Variants in AIMP2 observed in about 807,000 individuals in gnomAD.
The protein encoded by AIMP2 is aminoacyl tRNA synthase complex-interacting multifunctional protein 2.
AIMP2 carries 20 observed loss-of-function variants against 23.4 expected under a neutral mutation model. The observed-to-expected ratio is 0.85, with a 90% CI of 0.60 to 1.24. The LOEUF is 1.24. Ranked by LOEUF, AIMP2 falls within the 50% of genes most tolerant of loss-of-function variation. AIMP2 has a pLI of 0.00. For synonymous variants in AIMP2, 210 were observed against 170.4 expected (o/e 1.23, Z -1.81); for missense variants, 515 against 414.5 (o/e 1.24, Z -2.10).
chr7:6,013,302 C>A (rs935756469), intron 1 of AIMP2, among the ~76,000 whole-genome samples: 1 of 140,542 alleles, frequency 7.1e-6, no homozygotes, highest in Non-Finnish European at 1.5e-5. Flanking sequence ...CACTCTGCCG[C>A]CTAGGCTGGA....
chr7:6,011,290 G>T (rs1011991510), intron 1 of AIMP2, among the ~76,000 whole-genome samples: 16 of 152,174 alleles, frequency 1.1e-4, no homozygotes, highest in Admixed American at 1.0e-3. Flanking sequence ...CTCACCAGCA[G>T]GGTAGAAGAA....
At chr7:6,015,378 G>A (rs771011761) in intron 2 of AIMP2, 26 bp downstream of exon 2, 16 of 1,608,846 alleles carry the variant, frequency 9.9e-6, no homozygotes, top group African/African-American at 2.7e-5. Context: ...AAGCTGAAAC[G>A]TTAGTAGGTA....
At chr7:6,017,466 G>C (rs1787091710) in intron 2 of AIMP2, among the ~76,000 whole-genome samples, 1 of 151,070 alleles carries the variant, frequency 6.6e-6, no homozygotes, top group Non-Finnish European at 1.5e-5. Flanking sequence ...AGAGGTTGCA[G>C]TGAGCAGAGA....
intron 1 of AIMP2, chr7:6,012,949 G>C: frequency 1.0e-6 from 1 of 988,532 alleles, no homozygotes; most frequent in African/African-American, 1.7e-5. Context: ...AAGAGCAGCA[G>C]ACTAGGAGAG....
intron 1 of AIMP2, among the ~76,000 whole-genome samples, chr7:6,010,893 C>T (rs1406013599): frequency 6.6e-6 from 1 of 151,860 alleles, no homozygotes; most frequent in Non-Finnish European, 1.5e-5. Context: ...TCTCAATCTC[C>T]TGGCCACAGG....
chr7:6,013,715 A>G (rs1046183676), intron 1 of AIMP2, among the ~76,000 whole-genome samples: 3 of 152,092 alleles, frequency 2.0e-5, no homozygotes, highest in African/African-American at 7.2e-5. Context: ...TTGGGACCTG[A>G]GGTGGGAGGA....
At chr7:6,018,369 C>CA (rs1246578358) in intron 3 of AIMP2, among the ~76,000 whole-genome samples, 2 of 150,326 alleles carry the variant, frequency 1.3e-5, no homozygotes, top group Non-Finnish European at 3.0e-5. Flanking sequence ...AGGCTGGTCT[C>CA]AAACTCCTGA....
intron 3 of AIMP2, chr7:6,022,513 G>C (rs1223114772): frequency 6.6e-6 from 1 of 152,234 alleles, no homozygotes; most frequent in Non-Finnish European, 1.5e-5. Context: ...GAGGCAGCAA[G>C]GGTTTAGGAC....
chr7:6,020,142 C>T (rs921711349), intron 3 of AIMP2, among the ~76,000 whole-genome samples: 6 of 152,094 alleles, frequency 3.9e-5, no homozygotes, highest in South Asian at 2.1e-4. Context: ...AGATTTTGGC[C>T]GGTTGTGGTG....
In AIMP2 at chr7:6,011,578, A is replaced by T. The variant is rs78453798; in HGVS notation, c.135+2080A>T. On this transcript the variant is annotated intron_variant, in intron 1 of 3. Coordinates refer to ENST00000223029, the MANE Select transcript of AIMP2 (RefSeq NM_006303.4). ...CTGGTCTGTTTTCCCACTGCTTGTT[A>T]TCCTTCTGTTTTCTTTAATGGCTTT... 0.057 allele frequency among the ~76,000 whole-genome samples: 8,634 copies of T among 152,208 alleles called. 580 individuals carry two copies. The highest frequency in any genetic ancestry group is 0.36 in the East Asian group (1,841 of 5,178).
chr7:6,023,138 T>C (rs1787555831), intron 3 of AIMP2, 165 bp from the exon 4 acceptor site: 1 of 783,396 alleles, frequency 1.3e-6, no homozygotes, highest in Non-Finnish European at 2.0e-6. Context: ...CCCTTTTCAG[T>C]AGTAAGCATC....
At chr7:6,021,689 G>A (rs1787430147) in intron 3 of AIMP2, among the ~76,000 whole-genome samples, 1 of 152,156 alleles carries the variant, frequency 6.6e-6, no homozygotes, top group Non-Finnish European at 1.5e-5. Context: ...CGTTGAGGAA[G>A]AAGACCTAGG....
At chr7:6,012,929 G>C (rs1405817556) in intron 1 of AIMP2, 5 of 989,600 alleles carry the variant, frequency 5.1e-6, no homozygotes, top group Non-Finnish European at 6.0e-6. Context: ...TCTGACGTTT[G>C]ATCTTAAATA....
Position 6,017,825 on chromosome 7 carries a change from G to A in AIMP2, c.354G>A (p.Ala118=), listed in dbSNP as rs368164579. The A allele has an allele frequency of 4.3e-6, 7 of 1,613,612 alleles. No homozygotes were observed. The highest frequency in any genetic ancestry group is 1.6e-4 in the Middle Eastern group (1 of 6,062). ...LNSVLGKDYG[A]LKDIVINANP... ...TGGTCTTTCCCCAGGATTACGGGGC[G>A]CTGAAAGACATCGTGATCAACGCAA... Residue 118 remains alanine, a synonymous_variant, in exon 3 of 4, where the codon GCG becomes GCA. Coordinates refer to ENST00000223029, the MANE Select transcript of AIMP2 (RefSeq NM_006303.4).
intron 1 of AIMP2, among the ~76,000 whole-genome samples, chr7:6,009,974 A>AAAAAAAAACATATATATAT: frequency 3.8e-5 from 1 of 26,662 alleles, no homozygotes; most frequent in African/African-American, 1.4e-4. Flanking sequence ...AAAAAAAAAA[A>AAAAAAAAACATATATATAT]ATATATATAT....
chr7:6,019,203 A>G (rs1787227996), intron 3 of AIMP2, among the ~76,000 whole-genome samples: 1 of 151,990 alleles, frequency 6.6e-6, no homozygotes, highest in Admixed American at 6.6e-5. Flanking sequence ...TCATCTCTCC[A>G]GGAAATTGCA....
Position 6,009,301 on chromosome 7 carries a change from C to G in AIMP2, c.-63C>G. 2 of 1,610,530 alleles carry G rather than the reference C, an allele frequency of 1.2e-6. No individual in the cohort carries two copies. The highest frequency in any genetic ancestry group is 1.7e-6 in the Non-Finnish European group (2 of 1,179,394). On this transcript the variant is annotated 5_prime_UTR_variant, in exon 1 of 4. Transcript: ENST00000223029. The stretch of plus-strand genomic sequence containing the variant: ...GGGAGGTGGCCGGTCTCCGTCGTGA[C>G]CTCTGACGGTTTCTGAGCGTTGGCC...
rs756064767 is a variant in AIMP2, at chr7:6,009,444, C to T, written c.81C>T (p.Leu27=). Residue 27 remains leucine (L), a synonymous_variant, in exon 1 of 4, where the codon CTC becomes CTT. Coordinates refer to ENST00000223029, the MANE Select transcript of AIMP2 (RefSeq NM_006303.4). ...AGCTTCCCACCTGCATGTACCGGCT[C>T]CCCAACGTGCACGGCAGGAGCTACG... ...RVELPTCMYR[L]PNVHGRSYGP... 6.8e-6 allele frequency: 11 copies of T among 1,610,646 alleles called. No individual in the cohort carries two copies. Among genetic ancestry groups the T allele is most frequent in the Middle Eastern group, 2.2e-4 (1 of 4,474 alleles).
At chr7:6,013,293 A>G (rs1336342163) in intron 1 of AIMP2, among the ~76,000 whole-genome samples, 2 of 123,224 alleles carry the variant, frequency 1.6e-5, no homozygotes, top group African/African-American at 6.3e-5. Context: ...AAACAGTCTC[A>G]CTCTGCCGCC....
Sources: gnomAD v4.1 joint callset for allele counts (sites outside exome capture counted in the v4.1 genomes callset) on GRCh38, gnomAD v4.1.1 for gene constraint, MANE v1.5 for transcripts, NCBI Gene and HGNC (gene_info 2026-07-23, HGNC 2026-07-21) for gene names.